The following CD53 variants were observed in gnomAD, a reference collection of about 807,000 sequenced individuals.
CD53 encodes CD53 molecule, also known as leukocyte surface antigen CD53.
A neutral mutation model predicts 27.3 loss-of-function variants in CD53; 20 were observed. That is an observed-to-expected ratio of 0.73 (90% CI 0.52 to 1.07). CD53 has a LOEUF of 1.07. Among genes scored for constraint, CD53 ranks in the 50% least tolerant of loss-of-function variants. The probability of loss-of-function intolerance (pLI) is 0.00; values close to 1 mark genes in which losing one functional copy is unlikely to be tolerated. For missense variants in CD53, 216 were observed against 264.0 expected, an observed-to-expected ratio of 0.82 and a Z score of 1.26; for synonymous variants, 106 against 105.3, an observed-to-expected ratio of 1.01 and a Z score of -0.04.
chr1:110,880,535 G>A (rs1240015984), intron 1 of CD53, among the ~76,000 whole-genome samples: 2 of 152,146 alleles, frequency 1.3e-5, no homozygotes, highest in African/African-American at 4.8e-5. Context: ...ATACCAGGAT[G>A]TTGGGGCTGA....
intron 3 of CD53, among the ~76,000 whole-genome samples, chr1:110,893,367 G>C (rs549515949): frequency 1.3e-5 from 2 of 152,216 alleles, no homozygotes; most frequent in Admixed American, 1.3e-4. Flanking sequence ...TTGTTGCCCA[G>C]GCTGGAGTGC....
At position 110,887,969 on chromosome 1, in the gene CD53, T is replaced by C. The variant is rs72988757; in HGVS notation, c.-17-3423T>C. Among the ~76,000 whole-genome samples the C allele has an allele frequency of 4.5e-3, 689 of 152,330 alleles. 4 individuals carry two copies. The highest frequency in any genetic ancestry group is 0.016 in the African/African-American group (655 of 41,572). On this transcript the variant is annotated intron_variant, in intron 1 of 7. Coordinates refer to ENST00000271324, the MANE Select transcript of CD53 (RefSeq NM_000560.4). ...TGATTATCCTGGATTAGCCAGGTGG[T>C]TCTTATCTAATCATATGGGCCCTTA...
chr1:110,893,401 C>T (rs968165475), intron 3 of CD53, among the ~76,000 whole-genome samples: 6 of 152,208 alleles, frequency 3.9e-5, no homozygotes, highest in Non-Finnish European at 5.9e-5. Flanking sequence ...CAGCTCACCA[C>T]AGCCTCCGCC....
chr1:110,893,536 G>A (rs1656939161), intron 3 of CD53, among the ~76,000 whole-genome samples: 1 of 152,174 alleles, frequency 6.6e-6, no homozygotes, highest in Non-Finnish European at 1.5e-5. Context: ...TGGTCAAGCT[G>A]GTCTCTAACT....
At chr1:110,882,612 G>C (rs189708807) in intron 1 of CD53, among the ~76,000 whole-genome samples, 1 of 152,038 alleles carries the variant, frequency 6.6e-6, no homozygotes, top group East Asian at 1.9e-4. Flanking sequence ...AAAAAATTCT[G>C]CTGTAATATT....
chr1:110,871,392 C>T (rs1655958078), upstream of CD53, among the ~76,000 whole-genome samples: 1 of 152,030 alleles, frequency 6.6e-6, no homozygotes, highest in South Asian at 2.1e-4. Flanking sequence ...GAGAGAGTAG[C>T]TTAAGAGGAC....
upstream of CD53, among the ~76,000 whole-genome samples, chr1:110,871,563 G>A (rs1462244263): frequency 6.6e-6 from 1 of 152,080 alleles, no homozygotes; most frequent in Non-Finnish European, 1.5e-5. Context: ...TCAAAGGAGA[G>A]ATCATGGCAT....
At chr1:110,885,406 C>T (rs112644298) in intron 1 of CD53, among the ~76,000 whole-genome samples, 31,108 of 152,010 alleles carry the variant, frequency 0.2, 3,420 homozygotes, top group Non-Finnish European at 0.24. Context: ...GACGTGGTGG[C>T]AGGCGCCTGT....
Position 110,885,150 on chromosome 1 carries a change from C to A in CD53, c.-17-6242C>A, listed in dbSNP as rs577232087. Among the ~76,000 whole-genome samples, 3 of 152,248 alleles carry A rather than the reference C, an allele frequency of 2.0e-5. No individual in the cohort carries two copies. The East Asian group carries it at 5.8e-4, about 29-fold the overall frequency. Reference sequence around the variant, plus strand: ...AGCTCACAGTAGTATACTTCCATTTCTCCCTTCCCAGTCTCTACACTATTA... The same window carrying A: ...AGCTCACAGTAGTATACTTCCATTTATCCCTTCCCAGTCTCTACACTATTA... On this transcript the variant is annotated intron_variant, in intron 1 of 7. Transcript: ENST00000271324.
At chr1:110,877,400 A>G (rs1455745382) in intron 1 of CD53, among the ~76,000 whole-genome samples, 2 of 152,180 alleles carry the variant, frequency 1.3e-5, no homozygotes. Flanking sequence ...CCCGTATGTA[A>G]AGTTCTGCAT....
chr1:110,873,017 A>T (rs1338239823), upstream of CD53: 2 of 152,622 alleles, frequency 1.3e-5, no homozygotes, highest in African/African-American at 4.8e-5. Flanking sequence ...GCTTCTAAAA[A>T]GCCACTGGGA....
chr1:110,884,964 G>A (rs1656513775), intron 1 of CD53, among the ~76,000 whole-genome samples: 1 of 151,930 alleles, frequency 6.6e-6, no homozygotes, highest in Non-Finnish European at 1.5e-5. Context: ...GTATGGTTGG[G>A]ATTTTAGCAT....
chr1:110,886,163 T>G (rs1218131734), intron 1 of CD53, among the ~76,000 whole-genome samples: 1 of 152,164 alleles, frequency 6.6e-6, no homozygotes, highest in East Asian at 1.9e-4. Context: ...CTTTAGTATT[T>G]TAAATGTGTT....
chr1:110,887,095 G>C (rs1040975490), intron 1 of CD53, among the ~76,000 whole-genome samples: 2 of 106,526 alleles, frequency 1.9e-5, no homozygotes, highest in African/African-American at 6.8e-5. Flanking sequence ...ACGGAGTCTC[G>C]CTCTGTCACC....
chr1:110,890,717 A>G (rs779755427), intron 1 of CD53, among the ~76,000 whole-genome samples: 15 of 152,236 alleles, frequency 9.9e-5, no homozygotes, highest in Non-Finnish European at 1.6e-4. Context: ...TGAAAAAAAT[A>G]AAGCTTACAT....
intron 1 of CD53, among the ~76,000 whole-genome samples, chr1:110,888,187 C>G (rs1290444153): frequency 6.6e-6 from 1 of 152,134 alleles, no homozygotes; most frequent in Non-Finnish European, 1.5e-5. Context: ...TACTTCTGAC[C>G]TTCAGAACTG....
chr1:110,899,054 C>G (rs1298667823), intron 7 of CD53, 70 bp from the exon 8 acceptor site: 6 of 1,173,196 alleles, frequency 5.1e-6, no homozygotes, highest in Non-Finnish European at 6.3e-6. Context: ...TCTCAGAGGC[C>G]AATCCCAGGC....
At position 110,878,879 on chromosome 1, in the gene CD53, G is replaced by A. The variant is rs181440273; in HGVS notation, c.-18+5631G>A. ...ATACAAAGGTGTTTTTCTATTAAAC[G>A]CTTTTCTTCACTGAAAGGAAGTCTT... is the stretch of plus-strand genomic sequence containing the variant. On this transcript the variant is annotated intron_variant, in intron 1 of 7. Coordinates refer to ENST00000271324, the MANE Select transcript of CD53 (RefSeq NM_000560.4). Among the ~76,000 whole-genome samples, 16 of 152,150 alleles carry A rather than the reference G, an allele frequency of 1.1e-4. No individual in the cohort carries two copies. The South Asian group carries it at 2.3e-3, about 22-fold the overall frequency.
At chr1:110,891,333 C>T in intron 1 of CD53, 59 bp from the exon 2 acceptor site, 2 of 1,165,418 alleles carry the variant, frequency 1.7e-6, no homozygotes, top group Non-Finnish European at 2.6e-6. Context: ...TTTGTGCACT[C>T]TGATCTCTGG....
Sources: gnomAD v4.1 joint callset for allele counts (sites outside exome capture counted in the v4.1 genomes callset) on GRCh38, gnomAD v4.1.1 for gene constraint, MANE v1.5 for transcripts, NCBI Gene and HGNC (gene_info 2026-07-23, HGNC 2026-07-21) for gene names.